Variants in HOXD4 observed in about 807,000 individuals in gnomAD.
HOXD4 encodes the protein homeobox D4.
Under a neutral mutation model 22.6 loss-of-function variants are expected in HOXD4, and 15 were observed. That is an observed-to-expected ratio of 0.67 (90% CI 0.45 to 1.02). The LOEUF (loss-of-function observed/expected upper bound fraction) is 1.02, where lower values mean the gene tolerates loss of function less well. Among genes scored for constraint, HOXD4 ranks in the 50% least tolerant of loss-of-function variants. The pLI, the probability that HOXD4 is intolerant of heterozygous loss-of-function variation, is 0.00. For synonymous variants in HOXD4, 176 were observed against 157.0 expected, an observed-to-expected ratio of 1.12 and a Z score of -0.90; for missense variants, 350 against 346.6, an observed-to-expected ratio of 1.01 and a Z score of -0.08.
chr2:176,152,067 G>C lies in HOXD4; in HGVS notation c.433+1G>C. The C allele has an allele frequency of 1.9e-6, 3 of 1,613,012 alleles. No homozygotes were observed. Among genetic ancestry groups the C allele is most frequent in the Non-Finnish European group, 1.7e-6 (2 of 1,179,396 alleles). On this transcript the variant is annotated splice_donor_variant, in intron 1 of 1. Transcript: ENST00000306324. LOFTEE classifies it high-confidence loss of function. The surrounding 1 kb of genome is among the most constrained non-coding windows in gnomAD (Gnocchi z 5.2). ...ATGAAGAAGGTGCACGTGAATTCGG[G>C]TAAGGCTAGGGTCCAGTAACCTTTC...
chr2:176,152,591 T>C lies in HOXD4; in HGVS notation c.434-17T>C, dbSNP rs1437667472. 6.2e-7 allele frequency: 1 copy of C among 1,609,584 alleles called. No individual in the cohort carries two copies. Among genetic ancestry groups the C allele is most frequent in the Admixed American group, 1.7e-5 (1 of 60,024 alleles). On this transcript the variant is annotated splice_polypyrimidine_tract_variant and intron_variant, in intron 1 of 1. Coordinates refer to ENST00000306324, the MANE Select transcript of HOXD4 (RefSeq NM_014621.3). The surrounding 1 kb of genome is among the most constrained non-coding windows in gnomAD (Gnocchi z 5.2). ...GCCGGGCGCTGACCTGCCTGTCCTG[T>C]CTGTTTTGTCTCGCAGTGAACCCCA... is the stretch of plus-strand genomic sequence containing the variant.
In HOXD4 at chr2:176,152,878, T is replaced by G; in HGVS notation, c.704T>G (p.Val235Gly). ...TCCTCCTCATCTTGCTCCTCCTCAG[T>G]CGCCCCCAGCCAGCATTTACAGCCG... ...SSSSSSCSSS[V>G]APSQHLQPMA... The change falls in exon 2 of 2, where the codon GTC (valine) becomes GGC (glycine). Residue 235 changes from valine (V) to glycine (G), a missense_variant. Transcript: ENST00000306324. This position sits in a 1 kb window ranked among gnomAD's most constrained non-coding sequence, Gnocchi z 5.2. 1.2e-6 allele frequency: 2 copies of G among 1,614,100 alleles called. No individual in the cohort carries two copies. Among genetic ancestry groups the G allele is most frequent in the South Asian group, 2.2e-5 (2 of 91,074 alleles).
In HOXD4 at chr2:176,152,011, A is replaced by G; in HGVS notation, c.378A>G (p.Ala126=). ...SDPKQPPSGT[A]LKQPAVVYPW... ...CCAAGCAGCCGCCCTCCGGGACGGC[A>G]CTCAAGCAGCCGGCCGTGGTCTACC... The change falls in exon 1 of 2, where the codon GCA becomes GCG. Residue 126 remains alanine (A), a synonymous_variant. Transcript: ENST00000306324. The surrounding 1 kb of genome is among the most constrained non-coding windows in gnomAD (Gnocchi z 5.2). The G allele has an allele frequency of 1.2e-6, 2 of 1,613,424 alleles. No individual in the cohort carries two copies. The highest frequency in any genetic ancestry group is 1.7e-6 in the Non-Finnish European group (2 of 1,179,836).
In HOXD4 at chr2:176,151,802, T is replaced by C. The variant is rs1487763798; in HGVS notation, c.169T>C (p.Phe57Leu). The C allele has an allele frequency of 1.2e-6, 2 of 1,611,256 alleles. No homozygotes were observed. Among genetic ancestry groups the C allele is most frequent in the South Asian group, 2.2e-5 (2 of 90,986 alleles). Reference protein sequence around the residue: ...QPPGLYPRPDFGEQPFGGSGP... With the variant: ...QPPGLYPRPDLGEQPFGGSGP... ...CCCGGGGCTCTACCCACGGCCCGAC[T>C]TCGGTGAGCAGCCTTTCGGAGGCAG... The change falls in exon 1 of 2, where the codon TTC becomes CTC. Residue 57 changes from phenylalanine to leucine, a missense_variant. Coordinates refer to ENST00000306324, the MANE Select transcript of HOXD4 (RefSeq NM_014621.3).
In HOXD4 at chr2:176,153,131, T is replaced by TGGGGTTG; in HGVS notation, c.*192_*193insGTTGGGG. ...CCCCCTCCCTAGAGCGGGATGGGGA[T>TGGGGTTG]GGGAGGGGGGGCGGGATTCTCTCTC... On this transcript the variant is annotated 3_prime_UTR_variant, in exon 2 of 2. Transcript: ENST00000306324. 1 of 347,150 alleles carries TGGGGTTG rather than the reference T, an allele frequency of 2.9e-6. No individual in the cohort carries two copies. 21.5% of individuals were successfully genotyped at this position (347,150 alleles called of 1,614,324 possible).
chr2:176,152,684 A>G lies in HOXD4; in HGVS notation c.510A>G (p.Glu170=). 2 of 1,614,208 alleles carry G rather than the reference A, an allele frequency of 1.2e-6. No homozygotes were observed. The highest frequency in any genetic ancestry group is 2.2e-5 in the South Asian group (2 of 91,082). ...AYTRQQVLEL[E]KEFHFNRYLT... ...CCCGGCAGCAAGTCCTAGAACTGGA[A>G]AAAGAATTTCATTTTAACAGGTATC... The change falls in exon 2 of 2, where the codon GAA becomes GAG. Residue 170 remains glutamate, a synonymous_variant. Transcript: ENST00000306324. This position sits in a 1 kb window ranked among gnomAD's most constrained non-coding sequence, Gnocchi z 5.2.
rs1196792714 is a variant in HOXD4, at chr2:176,151,871, C to G, written c.238C>G (p.Gln80Glu). The part of the protein sequence containing the change: ...GSALPARGHG[Q>E]EPGGPGGHYA... ...GGCGCTGCCTGCGCGGGGTCACGGACAAGAGCCAGGCGGCCCCGGCGGTCA... is the reference window on the plus strand; with the variant it reads ...GGCGCTGCCTGCGCGGGGTCACGGAGAAGAGCCAGGCGGCCCCGGCGGTCA... The change falls in exon 1 of 2, where the codon CAA (glutamine) becomes GAA (glutamate). Residue 80 changes from glutamine (Q) to glutamate (E), a missense_variant. Transcript: ENST00000306324. The G allele has an allele frequency of 1.3e-6, 2 of 1,586,078 alleles. No individual in the cohort carries two copies. Among genetic ancestry groups the G allele is most frequent in the Non-Finnish European group, 1.7e-6 (2 of 1,165,984 alleles).
Position 176,152,431 on chromosome 2 carries a change from T to G in HOXD4, c.434-177T>G, listed in dbSNP as rs1690555010. Among the ~76,000 whole-genome samples, 2 of 89,002 alleles carry G rather than the reference T, an allele frequency of 2.2e-5. No homozygotes were observed. The highest frequency in any genetic ancestry group is 4.3e-5 in the African/African-American group (1 of 23,020). The allele number at this position is 89,002 out of a possible 152,430, so 58.4% of individuals were successfully genotyped here. On this transcript the variant is annotated intron_variant, in intron 1 of 1. Transcript: ENST00000306324. The surrounding 1 kb of genome is among the most constrained non-coding windows in gnomAD (Gnocchi z 5.2). ...GGGTATGTGGGTGTGTTTGAGGAGG[T>G]GGGTGGGAGTGAGCGTGTGCGCCGG...
In HOXD4 at chr2:176,153,097, C is replaced by G. The variant is rs1690578078; in HGVS notation, c.*155C>G. The G allele has an allele frequency of 2.5e-6, 1 of 401,112 alleles. No homozygotes were observed. The highest frequency in any genetic ancestry group is 7.7e-4 in the Middle Eastern group (1 of 1,298). The allele number at this position is 401,112 out of a possible 1,614,324, so 24.8% of individuals were successfully genotyped here. On this transcript the variant is annotated 3_prime_UTR_variant, in exon 2 of 2. Coordinates refer to ENST00000306324, the MANE Select transcript of HOXD4 (RefSeq NM_014621.3). The stretch of plus-strand genomic sequence containing the variant: ...CCTCGGACTAGGTTAGCATCCTGCC[C>G]GAGGGCAGCCCCCTCCCTAGAGCGG...
At position 176,151,787 on chromosome 2, in the gene HOXD4, T is replaced by C; in HGVS notation, c.154T>C (p.Tyr52His). The change falls in exon 1 of 2, where the codon TAC (tyrosine) becomes CAC (histidine). Residue 52 changes from tyrosine (Y) to histidine (H), a missense_variant. Physicochemically the swap from Tyr to His is moderately conservative, Grantham distance 83. Transcript: ENST00000306324. ...CGCAGACTTCCAGCCCCCGGGGCTC[T>C]ACCCACGGCCCGACTTCGGTGAGCA... is the stretch of plus-strand genomic sequence containing the variant. ...QGADFQPPGLYPRPDFGEQPF... is the reference protein window; with the variant it reads ...QGADFQPPGLHPRPDFGEQPF... The C allele has an allele frequency of 1.2e-6, 2 of 1,612,226 alleles. No homozygotes were observed. The highest frequency in any genetic ancestry group is 1.7e-6 in the Non-Finnish European group (2 of 1,179,578).
Position 176,153,001 on chromosome 2 carries a change from G to A in HOXD4, c.*59G>A. Reference sequence around the variant, plus strand: ...ACCAGGCTGAGCCGAAGCTGCGGGGGCAGGCCGGGCCTGCTGTCACCTCGC... The same window carrying A: ...ACCAGGCTGAGCCGAAGCTGCGGGGACAGGCCGGGCCTGCTGTCACCTCGC... On this transcript the variant is annotated 3_prime_UTR_variant, in exon 2 of 2. Coordinates refer to ENST00000306324, the MANE Select transcript of HOXD4 (RefSeq NM_014621.3). The A allele has an allele frequency of 1.9e-6, 3 of 1,545,606 alleles. No homozygotes were observed. The highest frequency in any genetic ancestry group is 2.7e-6 in the Non-Finnish European group (3 of 1,118,054).
In HOXD4 at chr2:176,152,594, G is replaced by A; in HGVS notation, c.434-14G>A. 2 of 1,611,834 alleles carry A rather than the reference G, an allele frequency of 1.2e-6. No homozygotes were observed. Among genetic ancestry groups the A allele is most frequent in the Middle Eastern group, 1.7e-4 (1 of 6,020 alleles). On this transcript the variant is annotated splice_polypyrimidine_tract_variant and intron_variant, in intron 1 of 1. Transcript: ENST00000306324. This position sits in a 1 kb window ranked among gnomAD's most constrained non-coding sequence, Gnocchi z 5.2. ...GGGCGCTGACCTGCCTGTCCTGTCT[G>A]TTTTGTCTCGCAGTGAACCCCAACT...
Position 176,153,134 on chromosome 2 carries a change from G to A in HOXD4, c.*192G>A. On this transcript the variant is annotated 3_prime_UTR_variant, in exon 2 of 2. Transcript: ENST00000306324. ...CCTCCCTAGAGCGGGATGGGGATGG[G>A]AGGGGGGGCGGGATTCTCTCTCTAA... 1 of 368,522 alleles carries A rather than the reference G, an allele frequency of 2.7e-6. No homozygotes were observed. Among genetic ancestry groups the A allele is most frequent in the African/African-American group, 2.1e-5 (1 of 46,778 alleles). 22.8% of individuals were successfully genotyped at this position (368,522 alleles called of 1,614,324 possible).
At position 176,152,583 on chromosome 2, in the gene HOXD4, C is replaced by G. The variant is rs761534424; in HGVS notation, c.434-25C>G. Reference sequence around the variant, plus strand: ...AACTAGTGGCCGGGCGCTGACCTGCCTGTCCTGTCTGTTTTGTCTCGCAGT... The same window carrying G: ...AACTAGTGGCCGGGCGCTGACCTGCGTGTCCTGTCTGTTTTGTCTCGCAGT... On this transcript the variant is annotated intron_variant, in intron 1 of 1. Transcript: ENST00000306324. This position sits in a 1 kb window ranked among gnomAD's most constrained non-coding sequence, Gnocchi z 5.2. The G allele has an allele frequency of 9.3e-5, 149 of 1,601,094 alleles. No individual in the cohort carries two copies. Among genetic ancestry groups the G allele is most frequent in the Middle Eastern group, 1.7e-4 (1 of 5,950 alleles).
rs1190247626 is a variant in HOXD4 at position 176,152,132 on chromosome 2, G to A, written c.433+66G>A. 1.4e-6 allele frequency: 2 copies of A among 1,408,478 alleles called. No homozygotes were observed. Among genetic ancestry groups the A allele is most frequent in the African/African-American group, 2.8e-5 (2 of 70,598 alleles). The allele number at this position is 1,408,478 out of a possible 1,614,324, so 87.2% of individuals were successfully genotyped here. ...CCCGTTAGCCTGGGTCCTCTGGAAG[G>A]GGGTGCGAGTAGGTGGGGGCGTGTG... On this transcript the variant is annotated intron_variant, in intron 1 of 1. Transcript: ENST00000306324. The surrounding 1 kb of genome is among the most constrained non-coding windows in gnomAD (Gnocchi z 5.2).
At position 176,151,759 on chromosome 2, in the gene HOXD4, G is replaced by C. The variant is rs1477068508; in HGVS notation, c.126G>C (p.Gln42His). Reference protein sequence around the residue: ...QGADYYGGGAQGADFQPPGLY... With the variant: ...QGADYYGGGAHGADFQPPGLY... The stretch of plus-strand genomic sequence containing the variant: ...CCGACTACTACGGCGGCGGCGCGCA[G>C]GGCGCAGACTTCCAGCCCCCGGGGC... The change falls in exon 1 of 2, where the codon CAG becomes CAC. Residue 42 changes from glutamine to histidine, a missense_variant. Transcript: ENST00000306324. 1 of 1,612,916 alleles carries C rather than the reference G, an allele frequency of 6.2e-7. No individual in the cohort carries two copies. The highest frequency in any genetic ancestry group is 8.5e-7 in the Non-Finnish European group (1 of 1,179,882).
Position 176,152,898 on chromosome 2 carries a change from C to G in HOXD4, c.724C>G (p.Gln242Glu), listed in dbSNP as rs1452425713. ...CTCAGTCGCCCCCAGCCAGCATTTA[C>G]AGCCGATGGCCAAAGACCACCACAC... Reference protein sequence around the residue: ...SSSVAPSQHLQPMAKDHHTDL... With the variant: ...SSSVAPSQHLEPMAKDHHTDL... The change falls in exon 2 of 2, where the codon CAG becomes GAG. Residue 242 changes from glutamine (Q) to glutamate (E), a missense_variant. Coordinates refer to ENST00000306324, the MANE Select transcript of HOXD4 (RefSeq NM_014621.3). The surrounding 1 kb of genome is among the most constrained non-coding windows in gnomAD (Gnocchi z 5.2). 1 of 1,614,242 alleles carries G rather than the reference C, an allele frequency of 6.2e-7. No individual in the cohort carries two copies. Among genetic ancestry groups the G allele is most frequent in the Non-Finnish European group, 8.5e-7 (1 of 1,180,048 alleles).
In HOXD4 at chr2:176,152,843, G is replaced by GTCCTCATCTTCC. The variant is rs758273278; in HGVS notation, c.680_691dup (p.Ser227_Ser230dup). The GTCCTCATCTTCC allele has an allele frequency of 3.7e-6, 6 of 1,614,170 alleles. No homozygotes were observed. The South Asian group carries it at 6.6e-5, about 18-fold the overall frequency. On this transcript the variant is annotated inframe_insertion, in exon 2 of 2. Transcript: ENST00000306324. This position sits in a 1 kb window ranked among gnomAD's most constrained non-coding sequence, Gnocchi z 5.2. ...TGCCCAACACTAAAGGCAGGTCATC[G>GTCCTCATCTTCC]TCCTCATCTTCCTCCTCATCTTGCT...
rs1427234045 is a variant in HOXD4 at position 176,153,192 on chromosome 2, A to G, written c.*250A>G. On this transcript the variant is annotated 3_prime_UTR_variant, in exon 2 of 2. Transcript: ENST00000306324. ...ATATGGCAGGAGCTACTGAGAACAT[A>G]AAATCTTGGCGAGTCATTAAACTTA... 2 of 534,110 alleles carry G rather than the reference A, an allele frequency of 3.7e-6. No individual in the cohort carries two copies. Among genetic ancestry groups the G allele is most frequent in the Non-Finnish European group, 6.7e-6 (2 of 299,872 alleles). 33.1% of individuals were successfully genotyped at this position (534,110 alleles called of 1,614,324 possible).
Sources: gnomAD v4.1 joint callset for allele counts (sites outside exome capture counted in the v4.1 genomes callset) on GRCh38, gnomAD v4.1.1 for gene constraint, Gnocchi (gnomAD v3.1) non-coding constraint, MANE v1.5 for transcripts, NCBI Gene and HGNC (gene_info 2026-07-23, HGNC 2026-07-21) for gene names.